The following TAF1 variants were observed in gnomAD, a reference collection of about 807,000 sequenced individuals.
The protein encoded by TAF1 is TATA-box binding protein associated factor 1.
In TAF1, 2 loss-of-function variants were observed where a neutral mutation model predicts 138.5. The ratio of observed to expected loss-of-function variants is 0.01; its 90% CI spans 0.01 to 0.05. The LOEUF (loss-of-function observed/expected upper bound fraction) is 0.05, where lower values mean the gene tolerates loss of function less well. Ranked by LOEUF, TAF1 falls within the 10% of genes least tolerant of loss-of-function variation. The pLI, the probability that TAF1 is intolerant of heterozygous loss-of-function variation, is 1.00. For synonymous variants in TAF1, 437 were observed against 503.2 expected, an observed-to-expected ratio of 0.87 and a Z score of 1.76; for missense variants, 709 against 1,478.0, an observed-to-expected ratio of 0.48 and a Z score of 8.53.
At chrX:71,519,642 CAAAAAAATAAAAATA>C (rs1328169978) in intron 13 of TAF1, among the ~76,000 whole-genome samples, 1 of 103,959 alleles carries the variant, frequency 9.6e-6, no homozygotes, top group African/African-American at 3.7e-5. Context: ...GACTCCATCT[CAAAAAAATAAAAATA>C]AAAAAAATAA....
intron 32 of TAF1, among the ~76,000 whole-genome samples, chrX:71,436,579 T>A (rs1180806360): frequency 4.5e-5 from 5 of 110,434 alleles, no homozygotes; most frequent in African/African-American, 1.6e-4. Flanking sequence ...ACTCCTGGGC[T>A]CAAATGGTCC....
intron 32 of TAF1, among the ~76,000 whole-genome samples, chrX:71,452,621 C>A (rs866717091): frequency 3.6e-4 from 40 of 111,248 alleles, no homozygotes; most frequent in African/African-American, 1.0e-3. Flanking sequence ...AGACGATGGG[C>A]GGCCAGGCAG....
intron 32 of TAF1, among the ~76,000 whole-genome samples, chrX:71,444,109 G>A (rs375248542): frequency 9.0e-6 from 1 of 111,119 alleles, no homozygotes; most frequent in East Asian, 2.8e-4. Context: ...CCGGGTTTGA[G>A]TGATTTTCCT....
intron 18 of TAF1, 46 bp from the exon 19 acceptor site, chrX:71,392,523 G>C: frequency 1.8e-6 from 2 of 1,120,718 alleles, no homozygotes; most frequent in Non-Finnish European, 1.2e-6. Flanking sequence ...GCTAGACATA[G>C]AACAAATGTT....
Position 71,368,073 on chromosome X carries a change from A to T in TAF1, c.255A>T (p.Glu85Asp), listed in dbSNP as rs2032701960. 2 of 1,210,242 alleles carry T rather than the reference A, an allele frequency of 1.7e-6. No homozygotes were observed. Among genetic ancestry groups the T allele is most frequent in the Non-Finnish European group, 2.2e-6 (2 of 895,247 alleles). The part of the protein sequence containing the change: ...VNDEGWVRST[E>D]DAVDYSDINE... ...TCATAGGGTGGGTTAGGAGTACAGA[A>T]GATGCTGTGGACTATTCAGACATCA... Residue 85 changes from glutamate to aspartate, a missense_variant, in exon 3 of 38, where the codon GAA becomes GAT. Around this residue, in one of 14 missense-constraint regions of TAF1, gnomAD observed 123 missense variants for 161.6 expected, o/e 0.76. Transcript: ENST00000423759.
Position 71,454,842 on chromosome X carries a change from G to T in TAF1, c.4923G>T (p.Gly1641=). The change falls in exon 34 of 38, where the codon GGG becomes GGT. Residue 1641 remains glycine (G), a synonymous_variant. Transcript: ENST00000423759. The stretch of plus-strand genomic sequence containing the variant: ...AAAGCCTGGACCCAATGACCCCAGG[G>T]CCCTACACGCCTCAGGTGAGTCTGA... The part of the protein sequence containing the change: ...ELESLDPMTP[G]PYTPQPPDLY... 8.3e-7 allele frequency: 1 copy of T among 1,209,087 alleles called. No individual in the cohort carries two copies. The highest frequency in any genetic ancestry group is 1.1e-6 in the Non-Finnish European group (1 of 894,371).
At chrX:71,445,912 A>G (rs1490352498) in intron 32 of TAF1, among the ~76,000 whole-genome samples, 1 of 105,507 alleles carries the variant, frequency 9.5e-6, no homozygotes, top group African/African-American at 3.6e-5. Flanking sequence ...ACAGTTGTTC[A>G]CTATTTTTTT....
intron 13 of TAF1, among the ~76,000 whole-genome samples, chrX:71,520,545 G>C (rs1243124314): frequency 1.2e-5 from 1 of 82,261 alleles, no homozygotes; most frequent in African/African-American, 4.5e-5. Flanking sequence ...ACCTGGGTGT[G>C]GGGGTGGGCA....
chrX:71,383,255 T>A, intron 12 of TAF1, 91 bp downstream of exon 12: 1 of 986,417 alleles, frequency 1.0e-6, no homozygotes, highest in East Asian at 3.3e-5. Flanking sequence ...TATTAGGGAA[T>A]TGGTTATTTT....
chrX:71,384,168 A>G lies in TAF1; in HGVS notation c.2121+33A>G, dbSNP rs779598889. 4.2e-6 allele frequency: 5 copies of G among 1,197,011 alleles called. No homozygotes were observed. The South Asian group carries it at 9.1e-5, about 22-fold the overall frequency. On this transcript the variant is annotated intron_variant, in intron 13 of 37. Coordinates refer to ENST00000423759, the MANE Select transcript of TAF1 (RefSeq NM_004606.5). Reference sequence around the variant, plus strand: ...TCTGCTCAGAAAATTTTTTTCCCATACATAATTCTGCTTATGCTTCCATAA... The same window carrying G: ...TCTGCTCAGAAAATTTTTTTCCCATGCATAATTCTGCTTATGCTTCCATAA...
At chrX:71,418,967 A>G (rs1357730879) in intron 28 of TAF1, among the ~76,000 whole-genome samples, 3 of 110,566 alleles carry the variant, frequency 2.7e-5, no homozygotes, top group Non-Finnish European at 5.7e-5. Context: ...GGGTTTCTCC[A>G]TGTTGGTCAG....
In TAF1 at chrX:71,389,681, A is replaced by G; in HGVS notation, c.2781+16A>G. ...TGATGATGAAGTAAGGCTTTATACTAGTTTGTATTAGTCATTAATACATCT... is the reference window on the plus strand; with the variant it reads ...TGATGATGAAGTAAGGCTTTATACTGGTTTGTATTAGTCATTAATACATCT... On this transcript the variant is annotated intron_variant, in intron 18 of 37. Transcript: ENST00000423759. 8.9e-7 allele frequency: 1 copy of G among 1,118,291 alleles called. No homozygotes were observed. The highest frequency in any genetic ancestry group is 1.2e-6 in the Non-Finnish European group (1 of 821,148). 92.2% of individuals were successfully genotyped at this position (1,118,291 alleles called of 1,213,427 possible).
intron 3 of TAF1, among the ~76,000 whole-genome samples, chrX:71,370,373 GTCTC>G (rs1380282983): frequency 9.0e-6 from 1 of 110,894 alleles, no homozygotes; most frequent in African/African-American, 3.3e-5. Flanking sequence ...ACCTGACAGA[GTCTC>G]TCTCTGTCAC....
chrX:71,438,198 C>T (rs1447766982), intron 32 of TAF1, among the ~76,000 whole-genome samples: 1 of 111,261 alleles, frequency 9.0e-6, no homozygotes, highest in Non-Finnish European at 1.9e-5. Context: ...CAGTGTAGTG[C>T]AACCATTACC....
chrX:71,483,878 G>A (rs1223017062), intron 13 of TAF1, among the ~76,000 whole-genome samples: 2 of 102,246 alleles, frequency 2.0e-5, no homozygotes, highest in South Asian at 8.9e-4. Context: ...ATTTTATTGA[G>A]ATATTTATAA....
intron 34 of TAF1, among the ~76,000 whole-genome samples, chrX:71,457,205 G>T (rs1172609382): frequency 9.0e-6 from 1 of 111,458 alleles, no homozygotes; most frequent in East Asian, 2.8e-4. Flanking sequence ...AATCAGTTTT[G>T]TTTCCTTTTT....
chrX:71,514,153 C>T (rs181982250), intron 13 of TAF1, among the ~76,000 whole-genome samples: 7 of 111,211 alleles, frequency 6.3e-5, no homozygotes, highest in East Asian at 2.8e-4. Flanking sequence ...TTGAAGTCAG[C>T]GAGACCAAGA....
intron 13 of TAF1, among the ~76,000 whole-genome samples, chrX:71,510,867 G>A (rs1049731830): frequency 3.6e-5 from 4 of 111,831 alleles, no homozygotes; most frequent in Non-Finnish European, 7.5e-5. Flanking sequence ...ACTTTGGGAG[G>A]CTGAGGCTGG....
chrX:71,435,844 A>G (rs2037110217), intron 32 of TAF1, among the ~76,000 whole-genome samples: 1 of 110,055 alleles, frequency 9.1e-6, no homozygotes. Flanking sequence ...GATCTTCCCT[A>G]CCCCCAAGAT....
Sources: allele counts gnomAD v4.1 joint callset (sites outside exome capture counted in the v4.1 genomes callset), GRCh38; gene constraint gnomAD v4.1.1; regional missense constraint gnomAD v4.1.1; transcripts MANE v1.5; gene names NCBI Gene and HGNC (gene_info 2026-07-23, HGNC 2026-07-21).